Variants in NUP214 observed in about 807,000 individuals in gnomAD.
NUP214 encodes the protein nucleoporin 214, also known as nuclear pore complex protein Nup214.
In NUP214, 79 loss-of-function variants were observed where a neutral mutation model predicts 196.2. The ratio of observed to expected loss-of-function variants is 0.40; its 90% CI spans 0.34 to 0.49. NUP214 has a LOEUF of 0.49. NUP214 is among the 20% of genes least tolerant of loss of function. The pLI is 0.58. For synonymous variants in NUP214, 1,020 were observed against 990.5 expected (o/e 1.03, Z -0.56); for missense variants, 2,468 against 2,539.0 (o/e 0.97, Z 0.60).
intron 3 of NUP214, chr9:131,128,832 G>A (rs1831443566): frequency 7.0e-6 from 2 of 286,422 alleles, no homozygotes; most frequent in African/African-American, 2.2e-5. Context: ...CTGACTGTGT[G>A]TGTTAGACTC....
At position 131,210,789 on chromosome 9, in the gene NUP214, TG is replaced by T. The variant is rs1834219854; in HGVS notation, c.5593-4421del. Reference sequence around the variant, plus strand: ...TTATCTAAAATGAAGGTCAGAGAGATGGAAAAAAAATGGATAGAGCATTTCT... The same window carrying T: ...TTATCTAAAATGAAGGTCAGAGAGATGAAAAAAAATGGATAGAGCATTTCT... On this transcript the variant is annotated intron_variant, in intron 30 of 35. Coordinates refer to ENST00000359428, the MANE Select transcript of NUP214 (RefSeq NM_005085.4). Among the ~76,000 whole-genome samples, 3 of 151,922 alleles carry T rather than the reference TG, an allele frequency of 2.0e-5. No homozygotes were observed. The South Asian group carries it at 6.2e-4, about 32-fold the overall frequency.
rs1834844446 is a variant in NUP214 at position 131,230,518 on chromosome 9, C to G, written c.6075-112C>G. 3 of 1,327,534 alleles carry G rather than the reference C, an allele frequency of 2.3e-6. No individual in the cohort carries two copies. In the South Asian group the frequency reaches 4.0e-5, roughly 18 times the overall value. The allele number at this position is 1,327,534 out of a possible 1,614,324, so 82.2% of individuals were successfully genotyped here. ...TGCTAGTTAGGCCCAGCCTGTCACCCTGGATCATGAGTGTCGTGTGTATTG... is the reference window on the plus strand; with the variant it reads ...TGCTAGTTAGGCCCAGCCTGTCACCGTGGATCATGAGTGTCGTGTGTATTG... On this transcript the variant is annotated intron_variant, in intron 33 of 35. Coordinates refer to ENST00000359428, the MANE Select transcript of NUP214 (RefSeq NM_005085.4).
At chr9:131,137,236 A>G (rs1309674961) in intron 9 of NUP214, among the ~76,000 whole-genome samples, 1 of 152,248 alleles carries the variant, frequency 6.6e-6, no homozygotes, top group Non-Finnish European at 1.5e-5. Context: ...TTTGAAAAGT[A>G]AATAGTAGAG....
Position 131,228,209 on chromosome 9 carries a change from A to G in NUP214, c.5952A>G (p.Gly1984=), listed in dbSNP as rs1285367075. The G allele has an allele frequency of 6.2e-7, 1 of 1,603,808 alleles. No individual in the cohort carries two copies. Among genetic ancestry groups the G allele is most frequent in the Non-Finnish European group, 8.5e-7 (1 of 1,176,194 alleles). Residue 1984 remains glycine (G), a synonymous_variant, in exon 33 of 36, where the codon GGA becomes GGG. Coordinates refer to ENST00000359428, the MANE Select transcript of NUP214 (RefSeq NM_005085.4). ...PVFGSPPTFG[G]SPGFGGVPAF... ...TTGGCAGCCCTCCTACTTTTGGGGG[A>G]TCCCCTGGGTTTGGAGGGGTGCCAG...
rs1229726508 is a variant in NUP214 at position 131,140,700 on chromosome 9, C to G, written c.1284C>G (p.Pro428=). The G allele has an allele frequency of 1.2e-6, 2 of 1,613,258 alleles. No individual in the cohort carries two copies. Among genetic ancestry groups the G allele is most frequent in the Non-Finnish European group, 1.7e-6 (2 of 1,179,710 alleles). The change falls in exon 11 of 36, where the codon CCC becomes CCG. Residue 428 remains proline, a synonymous_variant. Transcript: ENST00000359428. ...TTTCATTAGAAGGAGAGCGACAGCC[C>G]AAGTCACCAGGTATGTGCCTCTGCC... ...ERLSLEGERQ[P]KSPGSTPTTP... is the part of the protein sequence containing the mutation.
At chr9:131,228,355 T>C in intron 33 of NUP214, 24 bp downstream of exon 33, 3 of 1,562,568 alleles carry the variant, frequency 1.9e-6, no homozygotes, top group Non-Finnish European at 2.6e-6. Flanking sequence ...GGAGGGCCCT[T>C]GGGAACCCAC....
intron 11 of NUP214, chr9:131,141,734 C>T (rs979109650): frequency 1.3e-5 from 2 of 152,154 alleles, no homozygotes; most frequent in African/African-American, 4.8e-5. Flanking sequence ...CTGCTTCAGC[C>T]TCCCAAAGTG....
intron 32 of NUP214, among the ~76,000 whole-genome samples, chr9:131,223,711 T>A (rs1469558977): frequency 3.7e-5 from 1 of 27,136 alleles, no homozygotes; most frequent in African/African-American, 9.5e-5. Context: ...TTTTTTTTAT[T>A]TTTATTTATT....
At chr9:131,175,316 G>A (rs2131001987) in intron 22 of NUP214, 144 bp from the exon 23 acceptor site, 3 of 905,634 alleles carry the variant, frequency 3.3e-6, no homozygotes, top group East Asian at 2.7e-5. Flanking sequence ...ATAGATGCCA[G>A]CCTGTTAGTT....
In NUP214 at chr9:131,175,796, G is replaced by C. The variant is rs137908658; in HGVS notation, c.3319+175G>C. 14 of 966,978 alleles carry C rather than the reference G, an allele frequency of 1.4e-5. No homozygotes were observed. The African/African-American group carries it at 1.7e-4, about 12-fold the overall frequency. 59.9% of individuals were successfully genotyped at this position (966,978 alleles called of 1,614,324 possible). On this transcript the variant is annotated intron_variant, in intron 23 of 35. Transcript: ENST00000359428. ...AGAGTTCTAAGAAAGCAGAGACTAGGTCTGAAAATCTTTGCTTTTAAGGGG... is the reference window on the plus strand; with the variant it reads ...AGAGTTCTAAGAAAGCAGAGACTAGCTCTGAAAATCTTTGCTTTTAAGGGG...
At chr9:131,130,620 T>C in intron 4 of NUP214, 146 bp from the exon 5 acceptor site, 1 of 696,250 alleles carries the variant, frequency 1.4e-6, no homozygotes, top group Non-Finnish European at 2.4e-6. Context: ...ATGATTTTAC[T>C]TTTTTCCACT....
At chr9:131,159,523 G>T in intron 18 of NUP214, 37 bp downstream of exon 18, 1 of 1,466,168 alleles carries the variant, frequency 6.8e-7, no homozygotes, top group Non-Finnish European at 9.5e-7. Context: ...TGTTGGAATA[G>T]ATATTGCTAT....
chr9:131,160,486 A>G (rs1832596570), intron 18 of NUP214, among the ~76,000 whole-genome samples: 1 of 152,238 alleles, frequency 6.6e-6, no homozygotes. Flanking sequence ...TTTAAGCCAC[A>G]TATTTTCCAC....
At chr9:131,222,693 C>G (rs1834596447) in intron 31 of NUP214, 85 bp from the exon 32 acceptor site, 9 of 1,488,498 alleles carry the variant, frequency 6.0e-6, no homozygotes, top group Non-Finnish European at 8.1e-6. Context: ...TTTCCAAACA[C>G]CCAACTGAGA....
intron 32 of NUP214, 28 bp downstream of exon 32, chr9:131,222,958 A>G (rs1464398218): frequency 3.1e-6 from 5 of 1,604,396 alleles, no homozygotes; most frequent in Non-Finnish European, 4.3e-6. Flanking sequence ...TGTTATGGTT[A>G]TCTTTATATA....
At chr9:131,129,205 T>C (rs1831453447) in intron 3 of NUP214, 74 bp from the exon 4 acceptor site, 1 of 1,256,970 alleles carries the variant, frequency 8.0e-7, no homozygotes, top group South Asian at 1.3e-5. Context: ...ATTCAGTAAT[T>C]TCCATTGAAT....
At chr9:131,168,765 T>A (rs971134302) in intron 21 of NUP214, among the ~76,000 whole-genome samples, 9 of 152,212 alleles carry the variant, frequency 5.9e-5, no homozygotes, top group African/African-American at 1.9e-4. Context: ...TGATATAAGG[T>A]ATGGCTCATG....
chr9:131,192,619 A>G (rs1328395461), intron 27 of NUP214: 1 of 194,018 alleles, frequency 5.2e-6, no homozygotes, highest in Non-Finnish European at 1.0e-5. Flanking sequence ...TTCTGACACC[A>G]TTTTGGGGGC....
intron 26 of NUP214, chr9:131,191,696 G>C (rs957803302): frequency 1.3e-5 from 2 of 152,186 alleles, no homozygotes; most frequent in Non-Finnish European, 2.9e-5. Flanking sequence ...ATGCAGAAAT[G>C]TATATAGAAG....
Sources: gnomAD v4.1 joint callset for allele counts (sites outside exome capture counted in the v4.1 genomes callset) on GRCh38, gnomAD v4.1.1 for gene constraint, MANE v1.5 for transcripts, NCBI Gene and HGNC (gene_info 2026-07-23, HGNC 2026-07-21) for gene names.